Variants in CCDC12 observed in about 807,000 individuals in gnomAD.
The protein encoded by CCDC12 is coiled-coil domain-containing protein 12.
In CCDC12, 28 loss-of-function variants were observed where a neutral mutation model predicts 25.7. The ratio of observed to expected loss-of-function variants is 1.09; its 90% CI spans 0.81 to 1.50. The LOEUF is 1.50. CCDC12 is among the 40% of genes most tolerant of loss of function. The pLI, the probability that CCDC12 is intolerant of heterozygous loss-of-function variation, is 0.00. For missense variants in CCDC12, 198 were observed against 210.0 expected, an observed-to-expected ratio of 0.94 and a Z score of 0.35; for synonymous variants, 75 against 87.7, an observed-to-expected ratio of 0.86 and a Z score of 0.81.
chr3:46,964,822 C>A (rs971786183), intron 1 of CCDC12, among the ~76,000 whole-genome samples: 1 of 152,046 alleles, frequency 6.6e-6, no homozygotes, highest in Non-Finnish European at 1.5e-5. Context: ...TGCTGAAGGC[C>A]GCAGGGTCCT....
intron 5 of CCDC12, 64 bp downstream of exon 5, chr3:46,923,265 G>C: frequency 2.0e-5 from 28 of 1,428,608 alleles, no homozygotes; most frequent in Non-Finnish European, 2.5e-5. Context: ...CCAAGCCCCA[G>C]GCCCATGCTG....
intron 1 of CCDC12, among the ~76,000 whole-genome samples, chr3:46,959,442 CCA>C (rs1422512828): frequency 6.6e-6 from 1 of 152,176 alleles, no homozygotes; most frequent in African/African-American, 2.4e-5. Flanking sequence ...TAGGCGCCAA[CCA>C]CAGTGATGAT....
At chr3:46,974,096 A>G (rs2034892892) in intron 1 of CCDC12, among the ~76,000 whole-genome samples, 1 of 152,190 alleles carries the variant, frequency 6.6e-6, no homozygotes, top group African/African-American at 2.4e-5. Context: ...CCAGTCACAG[A>G]AGGACAAATA....
At chr3:46,965,099 G>GAGGGA (rs1405308030) in intron 1 of CCDC12, among the ~76,000 whole-genome samples, 1 of 152,152 alleles carries the variant, frequency 6.6e-6, no homozygotes, top group Non-Finnish European at 1.5e-5. Context: ...TGGACACTGA[G>GAGGGA]AGGGAAGCAC....
At chr3:46,949,200 T>G (rs1199829483) in intron 1 of CCDC12, among the ~76,000 whole-genome samples, 1 of 152,008 alleles carries the variant, frequency 6.6e-6, no homozygotes, top group African/African-American at 2.4e-5. Flanking sequence ...TTTTTTTGGG[T>G]GGCATTAAGA....
intron 1 of CCDC12, chr3:46,976,272 C>T: frequency 3.7e-6 from 4 of 1,069,724 alleles, no homozygotes; most frequent in Non-Finnish European, 4.6e-6. Context: ...GGGTTAAAGA[C>T]CAGCTAGGCC....
rs1392559840 is a variant in CCDC12, at chr3:46,970,862, C to T, written c.96+5775G>A. Among the ~76,000 whole-genome samples the T allele has an allele frequency of 3.9e-4, 60 of 152,178 alleles. 2 individuals carry two copies. The highest frequency in any genetic ancestry group is 3.8e-3 in the Admixed American group (58 of 15,282). ...TTCATCCACACAGCCTTGAACTGTT[C>T]ACCTACTCACCCAGCCAGGAACTTC... On this transcript the variant is annotated intron_variant, in intron 1 of 6. Transcript: ENST00000683445.
At chr3:46,971,352 T>C (rs977506842) in intron 1 of CCDC12, among the ~76,000 whole-genome samples, 3 of 152,122 alleles carry the variant, frequency 2.0e-5, no homozygotes, top group African/African-American at 7.2e-5. Flanking sequence ...AGAATCCCCT[T>C]CCCCCAGGGG....
At chr3:46,966,224 G>T (rs773169930) in intron 1 of CCDC12, 1 of 152,504 alleles carries the variant, frequency 6.6e-6, no homozygotes, top group Non-Finnish European at 1.5e-5. Context: ...AAGAAAGAAA[G>T]AAAGCGGGCT....
chr3:46,953,574 G>C (rs2034194479), intron 1 of CCDC12, among the ~76,000 whole-genome samples: 1 of 151,804 alleles, frequency 6.6e-6, no homozygotes, highest in Admixed American at 6.6e-5. Context: ...GGCTAAATGG[G>C]GAAGCAGGAA....
At chr3:46,976,578 G>T in intron 1 of CCDC12, 59 bp downstream of exon 1, 2 of 1,565,938 alleles carry the variant, frequency 1.3e-6, no homozygotes. Flanking sequence ...CTCCTCAAGC[G>T]CGACCCGGAC....
chr3:46,938,516 CT>C (rs1237242950), intron 2 of CCDC12, among the ~76,000 whole-genome samples: 1 of 120,162 alleles, frequency 8.3e-6, no homozygotes, highest in Non-Finnish European at 1.8e-5. Flanking sequence ...TGTTCCCCTC[CT>C]GTTTTTTTTT....
chr3:46,927,951 T>TG (rs34136042), intron 2 of CCDC12, among the ~76,000 whole-genome samples: 6 of 152,202 alleles, frequency 3.9e-5, no homozygotes, highest in East Asian at 3.9e-4. Flanking sequence ...TCAAGGAGCA[T>TG]GGGGGGGTTC....
At chr3:46,974,466 C>T (rs1575567753) in intron 1 of CCDC12, among the ~76,000 whole-genome samples, 2 of 152,176 alleles carry the variant, frequency 1.3e-5, no homozygotes, top group Admixed American at 6.5e-5. Flanking sequence ...GACCTCAAAC[C>T]CGGCCCCAAT....
At chr3:46,926,236 T>C (rs1333039152) in intron 2 of CCDC12, among the ~76,000 whole-genome samples, 2 of 152,080 alleles carry the variant, frequency 1.3e-5, no homozygotes, top group Non-Finnish European at 2.9e-5. Flanking sequence ...AGGTGGCGCC[T>C]GGGCCTGCAA....
chr3:46,973,576 C>G (rs2034871905), intron 1 of CCDC12, among the ~76,000 whole-genome samples: 1 of 150,404 alleles, frequency 6.6e-6, no homozygotes, highest in Non-Finnish European at 1.5e-5. Context: ...AAAGCAGATA[C>G]TCAAACAGGT....
At chr3:46,980,485 C>T (rs779200413), upstream of CCDC12, among the ~76,000 whole-genome samples, 4 of 152,060 alleles carry the variant, frequency 2.6e-5, no homozygotes, top group Non-Finnish European at 4.4e-5. Flanking sequence ...TCTTCCCTGA[C>T]TTGAAATGAC....
chr3:46,946,887 A>G (rs999245532), intron 1 of CCDC12, among the ~76,000 whole-genome samples: 1 of 152,192 alleles, frequency 6.6e-6, no homozygotes, highest in Non-Finnish European at 1.5e-5. Flanking sequence ...AGACTTCCCA[A>G]GGACTCAAAC....
upstream of CCDC12, among the ~76,000 whole-genome samples, chr3:46,981,660 G>A (rs1326073494): frequency 6.6e-6 from 1 of 152,126 alleles, no homozygotes; most frequent in Non-Finnish European, 1.5e-5. Flanking sequence ...TCCTTCCTCG[G>A]ACTGCCCCAT....
Sources: allele counts gnomAD v4.1 joint callset (sites outside exome capture counted in the v4.1 genomes callset), GRCh38; gene constraint gnomAD v4.1.1; transcripts MANE v1.5; gene names NCBI Gene and HGNC (gene_info 2026-07-23, HGNC 2026-07-21).